SEZ6: variants seen among roughly 807,000 people sequenced by gnomAD.
SEZ6 encodes seizure protein 6 homolog.
A neutral mutation model predicts 101.0 loss-of-function variants in SEZ6; 53 were observed. The observed-to-expected ratio is 0.52, with a 90% confidence interval of 0.42 to 0.66. The LOEUF is 0.66. Among genes scored for constraint, SEZ6 ranks in the 30% least tolerant of loss-of-function variants. SEZ6 has a pLI of 0.00. For missense variants in SEZ6, 1,102 were observed against 1,289.4 expected (o/e 0.85, Z 2.23); for synonymous variants, 488 against 512.2 (o/e 0.95, Z 0.64).
At chr17:28,982,093 C>T in intron 1 of SEZ6, 54 bp from the exon 2 acceptor site, 1 of 1,510,740 alleles carries the variant, frequency 6.6e-7, no homozygotes, top group Non-Finnish European at 8.8e-7. Context: ...AGAGCAGCAT[C>T]ACGCCCAACT....
chr17:28,958,893 C>T (rs2040927131), intron 10 of SEZ6, 132 bp downstream of exon 10: 1 of 1,018,874 alleles, frequency 9.8e-7, no homozygotes, highest in Non-Finnish European at 1.4e-6. Context: ...GGACTAGCTT[C>T]CTCCAGGTGA....
chr17:28,970,344 G>A (rs190268441), intron 3 of SEZ6, among the ~76,000 whole-genome samples: 1 of 152,280 alleles, frequency 6.6e-6, no homozygotes, highest in Non-Finnish European at 1.5e-5. Flanking sequence ...CCGAGGCCCT[G>A]GTCAGCAGTA....
In SEZ6 at chr17:28,957,986, C is replaced by G; in HGVS notation, c.2263G>C (p.Asp755His). The stretch of plus-strand genomic sequence containing the variant: ...GGCAGGTCCTCACTCCAAGTTAGGT[C>G]CCACTGGCACATGAGGACACTGGAT... ...VGSSVLMCQW[D>H]LTWSEDLPSC... is the part of the protein sequence containing the mutation. Residue 755 changes from aspartate to histidine, a missense_variant, in exon 11 of 17, where the codon GAC becomes CAC. Asp to His is a moderately conservative substitution (Grantham distance 81). Around this residue, in one of 3 missense-constraint regions of SEZ6, gnomAD observed 556 missense variants for 735.1 expected, o/e 0.76. Coordinates refer to ENST00000317338, the MANE Select transcript of SEZ6 (RefSeq NM_178860.5). 1 of 1,613,942 alleles carries G rather than the reference C, an allele frequency of 6.2e-7. No homozygotes were observed.
rs1433533024 is a variant in SEZ6, at chr17:28,957,197, C to G, written c.2540G>C (p.Gly847Ala). The G allele has an allele frequency of 4.3e-6, 7 of 1,613,896 alleles. No individual in the cohort carries two copies. Residue 847 changes from glycine to alanine, a missense_variant, in exon 13 of 17, where the codon GGT (glycine) becomes GCT (alanine). Around this residue, in one of 3 missense-constraint regions of SEZ6, gnomAD observed 556 missense variants for 735.1 expected, o/e 0.76. Coordinates refer to ENST00000317338, the MANE Select transcript of SEZ6 (RefSeq NM_178860.5). ...TAGCTGCTTCTCAGGACTTCGGGCA[C>G]CATTCTCAGGGGCACTGAGACCATG... ...PCHGLSAPENGARSPEKQLHP... is the reference protein window; with the variant it reads ...PCHGLSAPENAARSPEKQLHP...
chr17:28,957,000 G>C, intron 13 of SEZ6, 45 bp downstream of exon 13: 1 of 1,513,918 alleles, frequency 6.6e-7, no homozygotes, highest in Non-Finnish European at 8.9e-7. Flanking sequence ...TGCCAGAGCA[G>C]CTCTATGGGC....
Position 28,955,500 on chromosome 17 carries a change from G to A in SEZ6, c.*462C>T, listed in dbSNP as rs1275667343. 2 of 398,462 alleles carry A rather than the reference G, an allele frequency of 5.0e-6. No homozygotes were observed. The highest frequency in any genetic ancestry group is 1.8e-5 in the South Asian group (1 of 54,690). 24.7% of individuals were successfully genotyped at this position (398,462 alleles called of 1,614,324 possible). On this transcript the variant is annotated 3_prime_UTR_variant, in exon 17 of 17. Coordinates refer to ENST00000317338, the MANE Select transcript of SEZ6 (RefSeq NM_178860.5). Reference sequence around the variant, plus strand: ...GACTACCCAGAGGTCACCGTTGAGAGGAGTTTTGGCCATTGGTGATGGCGC... The same window carrying A: ...GACTACCCAGAGGTCACCGTTGAGAAGAGTTTTGGCCATTGGTGATGGCGC...
At chr17:29,003,302 C>T (rs2041639837) in intron 1 of SEZ6, among the ~76,000 whole-genome samples, 1 of 152,228 alleles carries the variant, frequency 6.6e-6, no homozygotes, top group African/African-American at 2.4e-5. Flanking sequence ...GCCCAAGACG[C>T]CCCTGATGCC....
At position 29,005,078 on chromosome 17, in the gene SEZ6, G is replaced by GGTGTGTGTGTGT. The variant is rs58063439; in HGVS notation, c.55+725_55+736dup. 1.5e-4 allele frequency among the ~76,000 whole-genome samples: 21 copies of GGTGTGTGTGTGT among 137,762 alleles called. No individual in the cohort carries two copies. Among genetic ancestry groups the GGTGTGTGTGTGT allele is most frequent in the Middle Eastern group, 3.5e-3 (1 of 288 alleles). The allele number at this position is 137,762 out of a possible 152,430, so 90.4% of individuals were successfully genotyped here. ...GGAGGGAGGCAGAGCTCGGGGCAGT[G>GGTGTGTGTGTGT]GTGTGTGTGTGTGTGTGTGTGTGTG... On this transcript the variant is annotated intron_variant, in intron 1 of 16. Coordinates refer to ENST00000317338, the MANE Select transcript of SEZ6 (RefSeq NM_178860.5). This position sits in a 1 kb window ranked among gnomAD's most constrained non-coding sequence, Gnocchi z 4.8.
At chr17:28,987,095 G>A (rs977462124) in intron 1 of SEZ6, among the ~76,000 whole-genome samples, 1 of 152,236 alleles carries the variant, frequency 6.6e-6, no homozygotes, top group African/African-American at 2.4e-5. Context: ...GACAGGGCGG[G>A]CAGGGGGCCC....
In SEZ6 at chr17:28,959,266, G is replaced by A; in HGVS notation, c.1911-45C>T. 6.2e-7 allele frequency: 1 copy of A among 1,612,994 alleles called. No individual in the cohort carries two copies. The highest frequency in any genetic ancestry group is 8.5e-7 in the Non-Finnish European group (1 of 1,179,318). ...GGGCAGAGCCGGCCTGGGGGCCCGA[G>A]GATGGGCTGGACAAGGGATATCCCC... On this transcript the variant is annotated intron_variant, in intron 9 of 16. Transcript: ENST00000317338. The surrounding 1 kb of genome is among the most constrained non-coding windows in gnomAD (Gnocchi z 4.4).
At chr17:28,969,037 A>G (rs2041111646) in intron 4 of SEZ6, among the ~76,000 whole-genome samples, 1 of 152,176 alleles carries the variant, frequency 6.6e-6, no homozygotes, top group South Asian at 2.1e-4. Context: ...AATCCTAACC[A>G]TGACTTTGTG....
chr17:29,005,210 C>T lies in SEZ6; in HGVS notation c.55+605G>A, dbSNP rs757708036. Among the ~76,000 whole-genome samples the T allele has an allele frequency of 5.9e-5, 9 of 152,076 alleles. No individual in the cohort carries two copies. Among genetic ancestry groups the T allele is most frequent in the Non-Finnish European group, 1.3e-4 (9 of 68,000 alleles). ...AGAGCCAGGAGCCAGATAGGGGGTC[C>T]AGGCCCTTGGAGTTTCTCTCTAGAA... On this transcript the variant is annotated intron_variant, in intron 1 of 16. Transcript: ENST00000317338. The surrounding 1 kb of genome is among the most constrained non-coding windows in gnomAD (Gnocchi z 4.8).
At chr17:29,002,747 T>C (rs2041631693) in intron 1 of SEZ6, among the ~76,000 whole-genome samples, 1 of 152,308 alleles carries the variant, frequency 6.6e-6, no homozygotes, top group Non-Finnish European at 1.5e-5. Flanking sequence ...GGATGTGCTG[T>C]TAGAATCCAG....
At chr17:28,991,614 G>T (rs991385173) in intron 1 of SEZ6, among the ~76,000 whole-genome samples, 3 of 152,198 alleles carry the variant, frequency 2.0e-5, no homozygotes, top group Admixed American at 1.3e-4. Context: ...GTGAGGAAGA[G>T]CCCAGGGTGG....
intron 1 of SEZ6, among the ~76,000 whole-genome samples, chr17:28,995,353 G>C (rs1288710071): frequency 6.6e-6 from 1 of 152,016 alleles, no homozygotes; most frequent in Non-Finnish European, 1.5e-5. Flanking sequence ...TATGTGGGGG[G>C]GGGTGCATTA....
At chr17:28,969,370 T>G (rs1228840276) in intron 4 of SEZ6, among the ~76,000 whole-genome samples, 3 of 152,162 alleles carry the variant, frequency 2.0e-5, no homozygotes, top group African/African-American at 7.2e-5. Context: ...AGTGTCTGCC[T>G]CCTCCTGAGA....
Position 28,981,394 on chromosome 17 carries a change from G to C in SEZ6, c.701C>G (p.Thr234Ser). The change falls in exon 2 of 17, where the codon ACC becomes AGC. Residue 234 changes from threonine (T) to serine (S), a missense_variant. Transcript: ENST00000317338. ...ACCTGGTGTCTGGACTGTGGTGATG[G>C]TGGTGGTGATGATGGTGGTGGTAGT... is the stretch of plus-strand genomic sequence containing the variant. ...TTTTTTIITT[T>S]ITTVQTPGPC... 6.4e-7 allele frequency: 1 copy of C among 1,552,052 alleles called. No individual in the cohort carries two copies. Among genetic ancestry groups the C allele is most frequent in the Non-Finnish European group, 8.7e-7 (1 of 1,147,024 alleles).
In SEZ6 at chr17:29,005,880, G is replaced by T; in HGVS notation, c.-11C>A. 6.9e-7 allele frequency: 1 copy of T among 1,453,082 alleles called. No homozygotes were observed. Among genetic ancestry groups the T allele is most frequent in the Non-Finnish European group, 9.1e-7 (1 of 1,101,462 alleles). The allele number at this position is 1,453,082 out of a possible 1,614,324, so 90.0% of individuals were successfully genotyped here. A position where few individuals can be genotyped will look rare whatever the true frequency, so the allele number is the denominator to read the frequency against. ...GGCTACCGGGCGCATGGTGCTGGTT[G>T]CGGCCGCGCCCTGGGCTGGGACCGC... On this transcript the variant is annotated 5_prime_UTR_variant, in exon 1 of 17. Coordinates refer to ENST00000317338, the MANE Select transcript of SEZ6 (RefSeq NM_178860.5). The surrounding 1 kb of genome is among the most constrained non-coding windows in gnomAD (Gnocchi z 4.8).
chr17:28,981,319 C>A, intron 2 of SEZ6, 52 bp downstream of exon 2: 1 of 1,501,644 alleles, frequency 6.7e-7, no homozygotes, highest in Non-Finnish European at 8.9e-7. Context: ...TTAGGGGCCC[C>A]GCAGCCTCCC....
Sources: gnomAD v4.1 joint callset for allele counts (sites outside exome capture counted in the v4.1 genomes callset) on GRCh38, gnomAD v4.1.1 for gene constraint, gnomAD v4.1.1 regional missense constraint, Gnocchi (gnomAD v3.1) non-coding constraint, MANE v1.5 for transcripts, NCBI Gene and HGNC (gene_info 2026-07-23, HGNC 2026-07-21) for gene names.